The following WDSUB1 variants were observed in gnomAD, a reference collection of about 807,000 sequenced individuals.
WDSUB1 encodes WD repeat, SAM and U-box domain-containing protein 1.
WDSUB1 carries 49 observed loss-of-function variants against 53.9 expected under a neutral mutation model. That is an observed-to-expected ratio of 0.91 (90% CI 0.72 to 1.15). WDSUB1 has a LOEUF of 1.15. Among genes scored for constraint, WDSUB1 ranks in the 50% most tolerant of loss-of-function variants. WDSUB1 has a pLI of 0.00. For missense variants in WDSUB1, 514 were observed against 562.0 expected (o/e 0.91, Z 0.86); for synonymous variants, 194 against 200.6 (o/e 0.97, Z 0.28).
chr2:159,269,728 T>C (rs573288602), intron 5 of WDSUB1, among the ~76,000 whole-genome samples: 6 of 152,214 alleles, frequency 3.9e-5, no homozygotes, highest in Non-Finnish European at 8.8e-5. Context: ...TTTAAAAATC[T>C]TGTAATTCAC....
In WDSUB1 at chr2:159,282,770, C is replaced by T. The variant is rs773684997; in HGVS notation, c.300G>A (p.Val100=). ...AGTCTGGGGAAAACTGGCAAACCCT[C>T]ACAGGGCTGCCACTAGGCTGTTCCA... ...AVMEQPSGSP[V]RVCQFSPDST... Residue 100 remains valine, a synonymous_variant, in exon 2 of 11, where the codon GTG becomes GTA. Transcript: ENST00000359774. 6.2e-7 allele frequency: 1 copy of T among 1,614,200 alleles called. No individual in the cohort carries two copies. The highest frequency in any genetic ancestry group is 8.5e-7 in the Non-Finnish European group (1 of 1,180,042).
intron 2 of WDSUB1, among the ~76,000 whole-genome samples, chr2:159,282,165 G>T (rs2061678001): frequency 6.6e-6 from 1 of 151,720 alleles, no homozygotes. Flanking sequence ...AACTCTCTGG[G>T]TTTTTGACCT....
At chr2:159,239,809 A>C (rs1385714294) in intron 10 of WDSUB1, among the ~76,000 whole-genome samples, 1 of 152,218 alleles carries the variant, frequency 6.6e-6, no homozygotes, top group Non-Finnish European at 1.5e-5. Context: ...CTTACAAATT[A>C]GTACCAGCTG....
chr2:159,238,198 G>GATTTCATATATATGGA (rs1470527821), intron 10 of WDSUB1, among the ~76,000 whole-genome samples: 2 of 151,914 alleles, frequency 1.3e-5, no homozygotes, highest in Non-Finnish European at 2.9e-5. Flanking sequence ...TTGTCCTTAA[G>GATTTCATATATATGGA]ATTTCATATA....
chr2:159,256,299 T>G lies in WDSUB1; in HGVS notation c.1029A>C (p.Ala343=). ...SEEDVSTWLC[A]QDLKDLVGIF... is the part of the protein sequence containing the mutation. The stretch of plus-strand genomic sequence containing the variant: ...TACCAACAAGATCTTTTAAATCTTG[T>G]GCACAAAGCCATGTTGAGACATCCT... Residue 343 remains alanine (A), a synonymous_variant, in exon 9 of 11, where the codon GCA becomes GCC. Transcript: ENST00000359774. The G allele has an allele frequency of 6.2e-7, 1 of 1,612,776 alleles. No homozygotes were observed. The highest frequency in any genetic ancestry group is 8.5e-7 in the Non-Finnish European group (1 of 1,179,590).
chr2:159,237,999 T>A (rs1003342396), intron 10 of WDSUB1, among the ~76,000 whole-genome samples: 1 of 152,230 alleles, frequency 6.6e-6, no homozygotes, highest in Non-Finnish European at 1.5e-5. Context: ...TAGCAATGTT[T>A]ATGAGAATGC....
Position 159,249,345 on chromosome 2 carries a change from TTA to T in WDSUB1, c.1133-835_1133-834del, listed in dbSNP as rs537676700. Among the ~76,000 whole-genome samples the T allele has an allele frequency of 3.3e-5, 5 of 152,348 alleles. No homozygotes were observed. The South Asian group carries it at 1.0e-3, about 32-fold the overall frequency. ...TTTTATTCTTAACTTTAAAAGATTT[TTA>T]GTTTTAGAAAGTCTAATGAATTTTA... On this transcript the variant is annotated intron_variant, in intron 9 of 10. Transcript: ENST00000359774.
rs184102172 is a variant in WDSUB1, at chr2:159,247,388, A to G, written c.1273+984T>C. Among the ~76,000 whole-genome samples the G allele has an allele frequency of 5.3e-5, 8 of 152,342 alleles. No individual in the cohort carries two copies. The East Asian group carries it at 1.5e-3, about 29-fold the overall frequency. ...AAATATATGTAAATAGTAAACTACC[A>G]TGTAAAAAAAATTCATTGCCTCCCT... On this transcript the variant is annotated intron_variant, in intron 10 of 10. Coordinates refer to ENST00000359774, the MANE Select transcript of WDSUB1 (RefSeq NM_001128212.3).
At chr2:159,261,894 ATATTTTTTTTTTTTTTTT>A (rs1558856796) in intron 5 of WDSUB1, among the ~76,000 whole-genome samples, 2 of 13,308 alleles carry the variant, frequency 1.5e-4, no homozygotes, top group Non-Finnish European at 2.1e-4. Context: ...ATATATATAT[ATATTTTTTTTTTTTTTTT>A]TTTTTTTTTT....
chr2:159,264,858 C>T (rs1203632314), intron 5 of WDSUB1, among the ~76,000 whole-genome samples: 2 of 151,936 alleles, frequency 1.3e-5, no homozygotes, highest in African/African-American at 4.8e-5. Flanking sequence ...CTGAGGTAGG[C>T]GGATCACCTG....
intron 10 of WDSUB1, among the ~76,000 whole-genome samples, chr2:159,243,178 T>C (rs1575428716): frequency 6.8e-6 from 1 of 147,850 alleles, no homozygotes; most frequent in Non-Finnish European, 1.5e-5. Flanking sequence ...TAAAAATAAA[T>C]GAGTGGTAAG....
At chr2:159,248,011 G>A (rs1341699373) in intron 10 of WDSUB1, among the ~76,000 whole-genome samples, 2 of 144,712 alleles carry the variant, frequency 1.4e-5, no homozygotes, top group Non-Finnish European at 3.0e-5. Flanking sequence ...TTAGAAATAT[G>A]GAATGATACA....
chr2:159,262,757 AC>A (rs2061253700), intron 5 of WDSUB1, among the ~76,000 whole-genome samples: 1 of 152,228 alleles, frequency 6.6e-6, no homozygotes, highest in Non-Finnish European at 1.5e-5. Context: ...ATAAAAGCCA[AC>A]TTACATAGAC....
chr2:159,242,576 A>AC (rs1318793328), intron 10 of WDSUB1, among the ~76,000 whole-genome samples: 3 of 147,624 alleles, frequency 2.0e-5, no homozygotes, highest in Non-Finnish European at 4.4e-5. Context: ...AATCGCTTGA[A>AC]CTGAGGAGGC....
intron 9 of WDSUB1, among the ~76,000 whole-genome samples, chr2:159,253,829 AAAAG>A (rs1285109102): frequency 2.0e-5 from 3 of 152,234 alleles, no homozygotes; most frequent in East Asian, 1.9e-4. Context: ...ATTCAGGACT[AAAAG>A]AAATTCATTG....
chr2:159,247,910 A>ATATATAAATATATATAT (rs2060846247), intron 10 of WDSUB1, among the ~76,000 whole-genome samples: 11 of 17,676 alleles, frequency 6.2e-4, no homozygotes, highest in Non-Finnish European at 1.5e-3. Flanking sequence ...TATATATATA[A>ATATATAAATATATATAT]ATATATATAT....
intron 9 of WDSUB1, among the ~76,000 whole-genome samples, chr2:159,255,910 A>G (rs1357698046): frequency 1.3e-5 from 2 of 152,210 alleles, no homozygotes; most frequent in African/African-American, 4.8e-5. Context: ...CAACAATAAA[A>G]AGACAACCCA....
chr2:159,247,926 T>A lies in WDSUB1; in HGVS notation c.1273+446A>T, dbSNP rs868061705. On this transcript the variant is annotated intron_variant, in intron 10 of 10. Coordinates refer to ENST00000359774, the MANE Select transcript of WDSUB1 (RefSeq NM_001128212.3). Reference sequence around the variant, plus strand: ...ATATATATAAATATATATATATATATAAATATATATATATATAAAATTTGG... The same window carrying A: ...ATATATATAAATATATATATATATAAAAATATATATATATATAAAATTTGG... 3.3e-3 allele frequency among the ~76,000 whole-genome samples: 272 copies of A among 82,572 alleles called. 20 individuals are homozygous for A. In the East Asian group the frequency reaches 0.048, roughly 15 times the overall value. The allele number at this position is 82,572 out of a possible 152,430, so 54.2% of individuals were successfully genotyped here.
intron 4 of WDSUB1, among the ~76,000 whole-genome samples, chr2:159,274,552 A>T (rs1015578420): frequency 1.3e-5 from 2 of 152,188 alleles, no homozygotes; most frequent in Non-Finnish European, 2.9e-5. Flanking sequence ...CACCCTTAGT[A>T]TGCTGCACAA....
Sources: gnomAD v4.1 joint callset for allele counts (sites outside exome capture counted in the v4.1 genomes callset) on GRCh38, gnomAD v4.1.1 for gene constraint, MANE v1.5 for transcripts, NCBI Gene and HGNC (gene_info 2026-07-23, HGNC 2026-07-21) for gene names.